Variants in ZBTB46 observed in about 807,000 individuals in gnomAD.
The protein encoded by ZBTB46 is zinc finger and BTB domain containing 46.
Under a neutral mutation model 44.1 loss-of-function variants are expected in ZBTB46, and 8 were observed. The ratio of observed to expected loss-of-function variants is 0.18; its 90% CI spans 0.11 to 0.33. The LOEUF is 0.33. ZBTB46 is among the 10% of genes least tolerant of loss of function. ZBTB46 has a pLI of 1.00. For synonymous variants in ZBTB46, 409 were observed against 382.3 expected (o/e 1.07, Z -0.81); for missense variants, 651 against 847.7 (o/e 0.77, Z 2.88).
chr20:63,762,581 G>A (rs2092286295), intron 3 of ZBTB46, among the ~76,000 whole-genome samples: 2 of 151,990 alleles, frequency 1.3e-5, no homozygotes. Context: ...TTGAACCTGG[G>A]AGACAGAGGT....
intron 3 of ZBTB46, among the ~76,000 whole-genome samples, chr20:63,757,581 G>A (rs1490444580): frequency 1.3e-5 from 2 of 152,106 alleles, no homozygotes; most frequent in Non-Finnish European, 2.9e-5. Context: ...TCTCCACGAC[G>A]GCAGCACTAG....
chr20:63,750,626 C>T (rs6089970), intron 4 of ZBTB46, among the ~76,000 whole-genome samples: 27,336 of 152,036 alleles, frequency 0.18, 3,254 homozygotes, highest in East Asian at 0.56. Context: ...CAGCCCTGGT[C>T]GGACACAGTG....
rs1459140839 is a variant in ZBTB46, at chr20:63,767,585, A to G, written c.1222+8093T>C. ...CACCCAGCTGGAGCCCGGGACCCGG[A>G]CGCCAAAGCTCTGGCCGCAGCACTG... On this transcript the variant is annotated intron_variant, in intron 3 of 4. Coordinates refer to ENST00000245663, the MANE Select transcript of ZBTB46 (RefSeq NM_001369741.1). The surrounding 1 kb of genome is among the most constrained non-coding windows in gnomAD (Gnocchi z 5.0). Among the ~76,000 whole-genome samples the G allele has an allele frequency of 6.6e-6, 1 of 152,208 alleles. No individual in the cohort carries two copies. The highest frequency in any genetic ancestry group is 1.5e-5 in the Non-Finnish European group (1 of 68,038).
At chr20:63,783,875 C>T (rs147327261) in intron 2 of ZBTB46, among the ~76,000 whole-genome samples, 293 of 152,312 alleles carry the variant, frequency 1.9e-3, no homozygotes, top group African/African-American at 6.8e-3. Flanking sequence ...TCAGATCTGC[C>T]GTGCTGCTGA....
intron 3 of ZBTB46, among the ~76,000 whole-genome samples, chr20:63,759,313 T>G (rs192297711): frequency 1.3e-5 from 2 of 152,336 alleles, no homozygotes; most frequent in Non-Finnish European, 2.9e-5. Flanking sequence ...GTTTCTAGAT[T>G]CTTTTGAATG....
At chr20:63,805,162 G>A (rs2092673616) in intron 1 of ZBTB46, among the ~76,000 whole-genome samples, 1 of 151,840 alleles carries the variant, frequency 6.6e-6, no homozygotes, top group African/African-American at 2.4e-5. Flanking sequence ...CTCGTGATCC[G>A]CCCACCTCGG....
chr20:63,753,099 C>T (rs1257402447), intron 3 of ZBTB46, among the ~76,000 whole-genome samples: 1 of 152,160 alleles, frequency 6.6e-6, no homozygotes, highest in Non-Finnish European at 1.5e-5. Flanking sequence ...AGCTCAGGAG[C>T]CCCAGCTCTC....
chr20:63,805,918 G>A (rs545013685), intron 1 of ZBTB46, among the ~76,000 whole-genome samples: 25 of 151,934 alleles, frequency 1.6e-4, no homozygotes, highest in Non-Finnish European at 2.9e-4. Flanking sequence ...GATTATAGGT[G>A]TGTGCCACCA....
At chr20:63,785,394 C>G (rs1219823728) in intron 2 of ZBTB46, among the ~76,000 whole-genome samples, 1 of 151,744 alleles carries the variant, frequency 6.6e-6, no homozygotes, top group Non-Finnish European at 1.5e-5. Context: ...AACCCCGTCT[C>G]TACTAAAAAT....
At chr20:63,831,533 T>C (rs1224494791), upstream of ZBTB46, among the ~76,000 whole-genome samples, 1 of 146,714 alleles carries the variant, frequency 6.8e-6, no homozygotes, top group South Asian at 2.1e-4. Context: ...ACAGCGGAAG[T>C]GCGGGCTGGA....
chr20:63,775,677 C>T lies in ZBTB46; in HGVS notation c.1222+1G>A, dbSNP rs746079015. 2 of 1,563,250 alleles carry T rather than the reference C, an allele frequency of 1.3e-6. No homozygotes were observed. The highest frequency in any genetic ancestry group is 1.2e-5 in the South Asian group (1 of 84,008). ...AAGCGGCCCCCAGGGCCTGCACTTA[C>T]GGGACAGCGAGTGGGCCCCTCTGGG... On this transcript the variant is annotated splice_donor_variant, in intron 3 of 4. Transcript: ENST00000245663. LOFTEE classifies it high-confidence loss of function.
chr20:63,758,766 C>CTG (rs2092247859), intron 3 of ZBTB46, among the ~76,000 whole-genome samples: 2 of 146,040 alleles, frequency 1.4e-5, no homozygotes, highest in African/African-American at 5.1e-5. Context: ...CAGAGTCTTG[C>CTG]TGTCGCCCAG....
At chr20:63,785,181 G>A (rs1272730114) in intron 2 of ZBTB46, among the ~76,000 whole-genome samples, 1 of 137,894 alleles carries the variant, frequency 7.3e-6, no homozygotes, top group East Asian at 2.1e-4. Context: ...GCGGTGAGCT[G>A]AGATTGCACC....
intron 1 of ZBTB46, among the ~76,000 whole-genome samples, chr20:63,826,846 C>T (rs2092822184): frequency 6.6e-6 from 1 of 152,228 alleles, no homozygotes. Flanking sequence ...GCTCCTCATG[C>T]CTACCCCCAC....
intron 1 of ZBTB46, 68 bp downstream of exon 1, chr20:63,831,029 G>GCTCCCGT (rs2092848241): frequency 7.0e-6 from 1 of 142,890 alleles, no homozygotes; most frequent in African/African-American, 2.5e-5. Flanking sequence ...CCGGCTCCCG[G>GCTCCCGT]CTCCGGGCCC....
At chr20:63,798,522 A>G (rs2092619976) in intron 1 of ZBTB46, among the ~76,000 whole-genome samples, 2 of 151,912 alleles carry the variant, frequency 1.3e-5, no homozygotes, top group South Asian at 4.2e-4. Flanking sequence ...TAAAAATACA[A>G]AAATTAGCCG....
At chr20:63,827,480 C>T (rs1464142356) in intron 1 of ZBTB46, among the ~76,000 whole-genome samples, 3 of 151,624 alleles carry the variant, frequency 2.0e-5, no homozygotes, top group African/African-American at 4.8e-5. Context: ...CGGTGGCGGG[C>T]GCCTGTAGTC....
chr20:63,754,511 G>C (rs2092201581), intron 3 of ZBTB46, among the ~76,000 whole-genome samples: 1 of 152,008 alleles, frequency 6.6e-6, no homozygotes, highest in African/African-American at 2.4e-5. Context: ...GCCCAGGCTG[G>C]TCTTGAACTC....
intron 1 of ZBTB46, 126 bp downstream of exon 1, chr20:63,830,971 G>T (rs1467847690): frequency 7.0e-6 from 1 of 142,438 alleles, no homozygotes; most frequent in Non-Finnish European, 1.6e-5. Flanking sequence ...GGGCGTGGCG[G>T]GGCGGCCGGC....
Sources: allele counts gnomAD v4.1 joint callset (sites outside exome capture counted in the v4.1 genomes callset), GRCh38; gene constraint gnomAD v4.1.1; non-coding constraint Gnocchi (gnomAD v3.1); transcripts MANE v1.5; gene names NCBI Gene and HGNC (gene_info 2026-07-23, HGNC 2026-07-21).